Variants in DAAM1 observed in about 807,000 individuals in gnomAD.
DAAM1 encodes the protein disheveled-associated activator of morphogenesis 1.
DAAM1 carries 52 observed loss-of-function variants against 130.0 expected under a neutral mutation model. The ratio of observed to expected loss-of-function variants is 0.40; its 90% CI spans 0.32 to 0.50. The LOEUF is 0.50. Ranked by LOEUF, DAAM1 falls within the 20% of genes least tolerant of loss-of-function variation. The pLI is 0.61. For missense variants in DAAM1, 1,134 were observed against 1,303.8 expected, an observed-to-expected ratio of 0.87 and a Z score of 2.01; for synonymous variants, 452 against 444.5, an observed-to-expected ratio of 1.02 and a Z score of -0.21.
intron 17 of DAAM1, among the ~76,000 whole-genome samples, chr14:59,348,036 C>T (rs963363208): frequency 6.6e-6 from 1 of 152,184 alleles, no homozygotes; most frequent in Non-Finnish European, 1.5e-5. Flanking sequence ...TCTTGGTCAC[C>T]AGACCCACAA....
rs141805662 is a variant in DAAM1 at position 59,329,006 on chromosome 14, G to T, written c.1373-1495G>T. ...GGACCTAAAATGTAGAGAATATTTG[G>T]GGAGAATTCTCTTTAGGGCAGCACA... On this transcript the variant is annotated intron_variant, in intron 12 of 24. Transcript: ENST00000360909. Among the ~76,000 whole-genome samples, 583 of 152,266 alleles carry T rather than the reference G, an allele frequency of 3.8e-3. 4 individuals carry two copies. Among genetic ancestry groups the T allele is most frequent in the African/African-American group, 0.013 (554 of 41,542 alleles).
chr14:59,193,409 G>C (rs1887792467), intron 1 of DAAM1, among the ~76,000 whole-genome samples: 1 of 152,118 alleles, frequency 6.6e-6, no homozygotes, highest in Non-Finnish European at 1.5e-5. Context: ...GTTGATTTTA[G>C]TGACCTATAT....
At chr14:59,286,239 C>T (rs61986057) in intron 2 of DAAM1, among the ~76,000 whole-genome samples, 12,773 of 151,804 alleles carry the variant, frequency 0.084, 714 homozygotes, top group Non-Finnish European at 0.12. Context: ...AAATTAATGA[C>T]GACAAAGACA....
intron 3 of DAAM1, among the ~76,000 whole-genome samples, chr14:59,298,924 G>C (rs1884064181): frequency 6.6e-6 from 1 of 152,178 alleles, no homozygotes. Context: ...GCTTCTCGTA[G>C]ATGCCCATTC....
At chr14:59,236,325 G>A (rs1032460795) in intron 1 of DAAM1, among the ~76,000 whole-genome samples, 23 of 151,996 alleles carry the variant, frequency 1.5e-4, no homozygotes, top group African/African-American at 5.6e-4. Context: ...GAATTATAAT[G>A]CTCTCTGTTA....
chr14:59,243,640 C>T (rs1359107518), intron 1 of DAAM1, among the ~76,000 whole-genome samples: 2 of 152,196 alleles, frequency 1.3e-5, no homozygotes, highest in East Asian at 3.9e-4. Flanking sequence ...TTTGGATTTC[C>T]TCTTTCTGCA....
Position 59,331,471 on chromosome 14 carries a change from A to G in DAAM1, c.1823A>G (p.Asn608Ser). The G allele has an allele frequency of 6.2e-7, 1 of 1,611,168 alleles. No individual in the cohort carries two copies. Among genetic ancestry groups the G allele is most frequent in the South Asian group, 1.1e-5 (1 of 90,834 alleles). Residue 608 changes from asparagine to serine, a missense_variant, in exon 14 of 25, where the codon AAT (asparagine) becomes AGT (serine). This residue lies in a region of DAAM1 where 644 missense variants were observed against 695.9 expected (regional missense o/e 0.93). Coordinates refer to ENST00000360909, the MANE Select transcript of DAAM1 (RefSeq NM_001270520.2). ...LKKKSIPQPTNALKSFNWSKL... is the reference protein window; with the variant it reads ...LKKKSIPQPTSALKSFNWSKL... ...AAGAAAAGCATTCCTCAGCCCACAA[A>G]TGCCCTGAAATCCTTCAACTGGTCT...
chr14:59,266,778 C>T (rs1882464183), intron 2 of DAAM1, among the ~76,000 whole-genome samples: 1 of 152,196 alleles, frequency 6.6e-6, no homozygotes, highest in Non-Finnish European at 1.5e-5. Flanking sequence ...CTGCCTCTGG[C>T]CTGGTACAGC....
chr14:59,364,856 C>T (rs772808156), intron 23 of DAAM1, among the ~76,000 whole-genome samples: 1 of 150,082 alleles, frequency 6.7e-6, no homozygotes, highest in African/African-American at 2.5e-5. Flanking sequence ...GGTCCAACCT[C>T]TGATATCCCA....
intron 3 of DAAM1, among the ~76,000 whole-genome samples, chr14:59,309,282 TA>T (rs1229381671): frequency 1.3e-5 from 2 of 152,228 alleles, no homozygotes; most frequent in Admixed American, 1.3e-4. Flanking sequence ...GGATTAAATA[TA>T]GATTCAGGGA....
intron 1 of DAAM1, among the ~76,000 whole-genome samples, chr14:59,254,592 GCT>G (rs1416122035): frequency 6.6e-6 from 1 of 152,120 alleles, no homozygotes; most frequent in Non-Finnish European, 1.5e-5. Flanking sequence ...GGAGGGCACA[GCT>G]CTCTGTGAGC....
At position 59,369,451 on chromosome 14, in the gene DAAM1, TTTA is replaced by T. The variant is rs1227997030; in HGVS notation, c.*595_*597del. On this transcript the variant is annotated 3_prime_UTR_variant, in exon 25 of 25. Coordinates refer to ENST00000360909, the MANE Select transcript of DAAM1 (RefSeq NM_001270520.2). ...GGTGTGGGGATACAGTCTGTAAATG[TTTA>T]TTGAGAACATCTTGCACACAATTTG... 6.6e-6 allele frequency: 1 copy of T among 152,588 alleles called. No individual in the cohort carries two copies. Among genetic ancestry groups the T allele is most frequent in the African/African-American group, 2.4e-5 (1 of 41,438 alleles). 9.5% of individuals were successfully genotyped at this position (152,588 alleles called of 1,614,324 possible). A position where few individuals can be genotyped will look rare whatever the true frequency, so the allele number is the denominator to read the frequency against.
At chr14:59,351,708 C>T (rs1479186970) in intron 17 of DAAM1, among the ~76,000 whole-genome samples, 2 of 151,420 alleles carry the variant, frequency 1.3e-5, no homozygotes, top group African/African-American at 2.4e-5. Flanking sequence ...CTAATTCCAG[C>T]ATCAAATTCT....
At position 59,342,619 on chromosome 14, in the gene DAAM1, G is replaced by A. The variant is rs116773444; in HGVS notation, c.2075+2439G>A. 2.5e-3 allele frequency among the ~76,000 whole-genome samples: 388 copies of A among 152,188 alleles called. 1 individual carries two copies. The highest frequency in any genetic ancestry group is 8.8e-3 in the African/African-American group (366 of 41,526). The stretch of plus-strand genomic sequence containing the variant: ...TTGGAGCATTTTTTTGCCCAGCACC[G>A]TGCTGAGTGCCATAGGACATACCAA... On this transcript the variant is annotated intron_variant, in intron 16 of 24. Transcript: ENST00000360909.
intron 2 of DAAM1, among the ~76,000 whole-genome samples, chr14:59,281,124 A>G (rs908882593): frequency 2.6e-5 from 4 of 152,170 alleles, no homozygotes; most frequent in South Asian, 2.1e-4. Flanking sequence ...CTGCTATGGA[A>G]CGTTCACCTC....
intron 1 of DAAM1, among the ~76,000 whole-genome samples, chr14:59,239,840 C>T (rs189462241): frequency 5.3e-4 from 81 of 152,224 alleles, no homozygotes; most frequent in East Asian, 2.5e-3. Context: ...TACATTCTAG[C>T]GACTTTTCTT....
chr14:59,219,429 C>T (rs1442331785), intron 1 of DAAM1, among the ~76,000 whole-genome samples: 2 of 152,082 alleles, frequency 1.3e-5, no homozygotes, highest in Non-Finnish European at 2.9e-5. Context: ...GATTCTTGTT[C>T]CCTGGTTTCT....
chr14:59,256,514 T>C (rs1881893272), intron 1 of DAAM1, among the ~76,000 whole-genome samples: 1 of 152,246 alleles, frequency 6.6e-6, no homozygotes, highest in African/African-American at 2.4e-5. Flanking sequence ...GTGTATAGCA[T>C]AGCACTAGTC....
intron 3 of DAAM1, among the ~76,000 whole-genome samples, chr14:59,304,654 T>C (rs758531333): frequency 3.3e-5 from 5 of 152,256 alleles, no homozygotes; most frequent in Non-Finnish European, 7.3e-5. Flanking sequence ...TATTGAGATG[T>C]TTCTGATACA....
Sources: allele counts gnomAD v4.1 joint callset (sites outside exome capture counted in the v4.1 genomes callset), GRCh38; gene constraint gnomAD v4.1.1; regional missense constraint gnomAD v4.1.1; transcripts MANE v1.5; gene names NCBI Gene and HGNC (gene_info 2026-07-23, HGNC 2026-07-21).